The following CCBE1 variants were observed in gnomAD, a reference collection of about 807,000 sequenced individuals.
CCBE1 encodes collagen and calcium binding EGF domains 1.
A neutral mutation model predicts 50.0 loss-of-function variants in CCBE1; 37 were observed. The observed-to-expected ratio is 0.74, with a 90% CI of 0.57 to 0.97. The LOEUF (loss-of-function observed/expected upper bound fraction) is 0.97, where lower values mean the gene tolerates loss of function less well. Ranked by LOEUF, CCBE1 falls within the 50% of genes least tolerant of loss-of-function variation. The probability of loss-of-function intolerance (pLI) is 0.00; values close to 1 mark genes in which losing one functional copy is unlikely to be tolerated. For synonymous variants in CCBE1, 234 were observed against 203.7 expected (o/e 1.15, Z -1.27); for missense variants, 538 against 523.8 (o/e 1.03, Z -0.26).
At chr18:59,680,285 C>A (rs111653931) in intron 2 of CCBE1, among the ~76,000 whole-genome samples, 2,676 of 151,598 alleles carry the variant, frequency 0.018, 66 homozygotes, top group African/African-American at 0.062. Flanking sequence ...TCTCAGGGAG[C>A]AGAGGGGTGA....
At chr18:59,543,846 A>AAAAAAAAAAAAAAG (rs1915574386) in intron 2 of CCBE1, among the ~76,000 whole-genome samples, 4 of 140,586 alleles carry the variant, frequency 2.8e-5, no homozygotes, top group Admixed American at 7.3e-5. Flanking sequence ...AAAAAAAAAA[A>AAAAAAAAAAAAAAG]AAAAAAAAAA....
chr18:59,538,956 C>T (rs1415246827), intron 2 of CCBE1, among the ~76,000 whole-genome samples: 3 of 152,066 alleles, frequency 2.0e-5, no homozygotes, highest in Non-Finnish European at 4.4e-5. Context: ...GACAGGAGGA[C>T]CGCTTGAGGC....
chr18:59,534,681 T>TTA (rs1915180293), intron 2 of CCBE1, among the ~76,000 whole-genome samples: 1 of 152,200 alleles, frequency 6.6e-6, no homozygotes, highest in Non-Finnish European at 1.5e-5. Context: ...AGGCTGTGTT[T>TTA]TCACAAGCTG....
At chr18:59,614,241 C>A (rs1441402874) in intron 2 of CCBE1, among the ~76,000 whole-genome samples, 1 of 152,120 alleles carries the variant, frequency 6.6e-6, no homozygotes, top group African/African-American at 2.4e-5. Flanking sequence ...CTCAAATGAT[C>A]CACCTGCCTC....
At chr18:59,680,760 A>G (rs2054578835) in intron 2 of CCBE1, among the ~76,000 whole-genome samples, 1 of 152,116 alleles carries the variant, frequency 6.6e-6, no homozygotes, top group Non-Finnish European at 1.5e-5. Context: ...CAACAGCTGC[A>G]GTGGAGATTC....
Position 59,675,202 on chromosome 18 carries a change from A to G in CCBE1, c.212+21427T>C, listed in dbSNP as rs185359242. 2.0e-4 allele frequency among the ~76,000 whole-genome samples: 31 copies of G among 152,314 alleles called. No homozygotes were observed. The East Asian group carries it at 4.0e-3, about 20-fold the overall frequency. On this transcript the variant is annotated intron_variant, in intron 2 of 10. Transcript: ENST00000439986. Reference sequence around the variant, plus strand: ...TTCCTATGAGCAGTTCTAGTGCCCAATGACAGAAGCCTCACTGCCAATGGT... The same window carrying G: ...TTCCTATGAGCAGTTCTAGTGCCCAGTGACAGAAGCCTCACTGCCAATGGT...
chr18:59,575,935 CAT>C (rs1267178115), intron 2 of CCBE1, among the ~76,000 whole-genome samples: 1 of 152,250 alleles, frequency 6.6e-6, no homozygotes, highest in Non-Finnish European at 1.5e-5. Context: ...CCTAATCCCA[CAT>C]GTCCCTTTAG....
At chr18:59,670,712 C>T (rs2054419288) in intron 2 of CCBE1, among the ~76,000 whole-genome samples, 1 of 152,104 alleles carries the variant, frequency 6.6e-6, no homozygotes, top group Non-Finnish European at 1.5e-5. Context: ...CTTTGGGAGG[C>T]CGAGGCGGGA....
chr18:59,664,389 T>C (rs975758092), intron 2 of CCBE1, among the ~76,000 whole-genome samples: 1 of 152,106 alleles, frequency 6.6e-6, no homozygotes, highest in African/African-American at 2.4e-5. Context: ...CATATGTATG[T>C]GGCAACTGAG....
At chr18:59,645,172 T>C (rs1004235975) in intron 2 of CCBE1, among the ~76,000 whole-genome samples, 24 of 152,318 alleles carry the variant, frequency 1.6e-4, no homozygotes, top group Admixed American at 3.9e-4. Context: ...TAGACTGCAG[T>C]GAGCCAAGAT....
At chr18:59,452,653 T>TG (rs1910995786) in intron 6 of CCBE1, among the ~76,000 whole-genome samples, 1 of 152,132 alleles carries the variant, frequency 6.6e-6, no homozygotes. Context: ...GGAGTAGAAA[T>TG]GAGAGGACCT....
At chr18:59,542,834 C>G (rs551238555) in intron 2 of CCBE1, among the ~76,000 whole-genome samples, 1 of 152,118 alleles carries the variant, frequency 6.6e-6, no homozygotes, top group Non-Finnish European at 1.5e-5. Flanking sequence ...TAGAGCTGAA[C>G]CTTCTCTGAA....
chr18:59,482,326 A>G (rs142886142), intron 2 of CCBE1, among the ~76,000 whole-genome samples: 19 of 152,352 alleles, frequency 1.2e-4, no homozygotes, highest in African/African-American at 4.6e-4. Context: ...GAGAAATAGG[A>G]ACATTTTTAC....
intron 2 of CCBE1, among the ~76,000 whole-genome samples, chr18:59,618,032 T>G (rs559966275): frequency 6.6e-6 from 1 of 152,196 alleles, no homozygotes; most frequent in Non-Finnish European, 1.5e-5. Flanking sequence ...ATTTAAGACT[T>G]TGGAAATCTA....
chr18:59,450,917 A>T (rs1212524302), intron 6 of CCBE1, among the ~76,000 whole-genome samples: 2 of 152,184 alleles, frequency 1.3e-5, no homozygotes, highest in Non-Finnish European at 2.9e-5. Context: ...CATTATTGAG[A>T]AGCCATATAA....
At chr18:59,595,537 T>C (rs1407917012) in intron 2 of CCBE1, among the ~76,000 whole-genome samples, 2 of 152,210 alleles carry the variant, frequency 1.3e-5, no homozygotes, top group African/African-American at 4.8e-5. Flanking sequence ...ACCATCACCA[T>C]TACCTGAGTC....
chr18:59,441,635 A>T (rs572087957), intron 7 of CCBE1, among the ~76,000 whole-genome samples: 5 of 152,196 alleles, frequency 3.3e-5, no homozygotes, highest in Non-Finnish European at 7.4e-5. Context: ...AAAGATAAAC[A>T]GTGTGTCTGA....
intron 2 of CCBE1, among the ~76,000 whole-genome samples, chr18:59,516,743 G>A (rs1395184745): frequency 6.6e-6 from 1 of 152,128 alleles, no homozygotes; most frequent in Non-Finnish European, 1.5e-5. Context: ...TCAGACTCTT[G>A]GAAGGCAGAA....
intron 2 of CCBE1, among the ~76,000 whole-genome samples, chr18:59,571,107 A>T (rs571457231): frequency 1.3e-5 from 2 of 152,294 alleles, no homozygotes; most frequent in African/African-American, 4.8e-5. Flanking sequence ...TTTTGGGTCA[A>T]CAGTAGAGCA....
Sources: allele counts gnomAD v4.1 joint callset (sites outside exome capture counted in the v4.1 genomes callset), GRCh38; gene constraint gnomAD v4.1.1; transcripts MANE v1.5; gene names NCBI Gene and HGNC (gene_info 2026-07-23, HGNC 2026-07-21).